The following PRR16 variants were observed in gnomAD, a reference collection of about 807,000 sequenced individuals.
The protein encoded by PRR16 is proline rich 16.
PRR16 carries 6 observed loss-of-function variants against 18.2 expected under a neutral mutation model. The ratio of observed to expected loss-of-function variants is 0.33; its 90% CI spans 0.18 to 0.65. PRR16 has a LOEUF of 0.65. Ranked by LOEUF, PRR16 falls within the 30% of genes least tolerant of loss-of-function variation. The probability of loss-of-function intolerance (pLI) is 0.74; values close to 1 mark genes in which losing one functional copy is unlikely to be tolerated. For missense variants in PRR16, 412 were observed against 376.6 expected (o/e 1.09, Z -0.78); for synonymous variants, 151 against 147.8 (o/e 1.02, Z -0.16).
At chr5:120,774,907 C>A in the PRR16 span, among the ~76,000 whole-genome samples, 453 of 152,220 alleles carry the variant, frequency 3.0e-3, 1 homozygote, top group Admixed American at 6.2e-3. Context: ...GTATTTATGA[C>A]TTCAAAAACC....
chr5:120,503,502 T>A (rs970366096), intron 1 of PRR16, among the ~76,000 whole-genome samples: 2 of 152,172 alleles, frequency 1.3e-5, no homozygotes, highest in Non-Finnish European at 2.9e-5. Flanking sequence ...TTTTCTGACC[T>A]ATTGTGTGGT....
chr5:120,482,275 C>T (rs543847973), intron 1 of PRR16, among the ~76,000 whole-genome samples: 1 of 152,110 alleles, frequency 6.6e-6, no homozygotes, highest in Non-Finnish European at 1.5e-5. Context: ...CAACACTTTT[C>T]CCGCTTCTTC....
At chr5:120,664,752 C>T (rs572226198) in intron 1 of PRR16, among the ~76,000 whole-genome samples, 3 of 142,208 alleles carry the variant, frequency 2.1e-5, no homozygotes, top group Non-Finnish European at 4.7e-5. Flanking sequence ...ATGATGATTT[C>T]CAATTTCATC....
At chr5:120,618,554 T>C in intron 1 of PRR16, 1 of 947,626 alleles carries the variant, frequency 1.1e-6, no homozygotes. Context: ...TCAATCAAAT[T>C]CTACTTCAGA....
the PRR16 span, among the ~76,000 whole-genome samples, chr5:120,765,238 G>C: frequency 4.7e-4 from 72 of 152,018 alleles, no homozygotes; most frequent in African/African-American, 1.5e-3. Context: ...CTTACATATC[G>C]CATGTGCCTC....
At chr5:120,669,444 G>T (rs545619096) in intron 1 of PRR16, among the ~76,000 whole-genome samples, 18 of 151,992 alleles carry the variant, frequency 1.2e-4, no homozygotes, top group African/African-American at 4.3e-4. Flanking sequence ...TAGCTCTTAT[G>T]TGAATTATTA....
chr5:120,676,449 G>A (rs1756799656), intron 1 of PRR16, among the ~76,000 whole-genome samples: 1 of 151,694 alleles, frequency 6.6e-6, no homozygotes, highest in South Asian at 2.1e-4. Flanking sequence ...CAGAAAGTTA[G>A]ACCTTGGGTC....
chr5:120,595,522 T>C (rs1360632322), intron 1 of PRR16, among the ~76,000 whole-genome samples: 3 of 151,834 alleles, frequency 2.0e-5, no homozygotes, highest in Non-Finnish European at 2.9e-5. Context: ...AGTTCAACCA[T>C]TGTCGGAAGT....
chr5:120,574,624 A>G (rs1303538430), intron 1 of PRR16, among the ~76,000 whole-genome samples: 1 of 138,274 alleles, frequency 7.2e-6, no homozygotes, highest in African/African-American at 3.5e-5. Context: ...AACAACGACG[A>G]AAAAAGGATA....
intron 1 of PRR16, among the ~76,000 whole-genome samples, chr5:120,663,580 A>C (rs1240187030): frequency 6.6e-6 from 1 of 152,188 alleles, no homozygotes; most frequent in Admixed American, 6.5e-5. Flanking sequence ...TTCATTCTTC[A>C]TCATGCCATC....
At chr5:120,588,176 G>A (rs998848381) in intron 1 of PRR16, among the ~76,000 whole-genome samples, 1 of 152,130 alleles carries the variant, frequency 6.6e-6, no homozygotes, top group Non-Finnish European at 1.5e-5. Context: ...CAAACAAAGT[G>A]GTTTCTTGAG....
chr5:120,636,767 C>G (rs771146557), intron 1 of PRR16, among the ~76,000 whole-genome samples: 1 of 151,888 alleles, frequency 6.6e-6, no homozygotes, highest in Non-Finnish European at 1.5e-5. Flanking sequence ...GCAACAAAAA[C>G]GAAGAAAAAT....
At chr5:120,530,281 A>ATATATATATATTTATT (rs1447791509) in intron 1 of PRR16, among the ~76,000 whole-genome samples, 2 of 92,694 alleles carry the variant, frequency 2.2e-5, no homozygotes, top group African/African-American at 8.6e-5. Context: ...ATATATATAT[A>ATATATATATATTTATT]TATTTATTTA....
intron 1 of PRR16, among the ~76,000 whole-genome samples, chr5:120,499,364 C>G (rs980449266): frequency 1.3e-5 from 2 of 151,968 alleles, no homozygotes; most frequent in African/African-American, 2.4e-5. Flanking sequence ...TCTCAACTCT[C>G]CTAGAACTCC....
the PRR16 span, among the ~76,000 whole-genome samples, chr5:120,754,310 T>C: frequency 3.2e-3 from 188 of 59,166 alleles, 6 homozygotes; most frequent in African/African-American, 0.011. Flanking sequence ...ATATAATATA[T>C]AACATATAAA....
intron 1 of PRR16, among the ~76,000 whole-genome samples, chr5:120,653,914 T>G (rs1341378258): frequency 6.6e-6 from 1 of 151,874 alleles, no homozygotes; most frequent in Non-Finnish European, 1.5e-5. Flanking sequence ...AAATCTAAAC[T>G]CCTAAACAAG....
At chr5:120,699,989 T>C in the PRR16 span, among the ~76,000 whole-genome samples, 1 of 152,114 alleles carries the variant, frequency 6.6e-6, no homozygotes, top group East Asian at 1.9e-4. Flanking sequence ...TTGCTGAGCT[T>C]GATGGGTGTC....
chr5:120,725,473 T>A, the PRR16 span, among the ~76,000 whole-genome samples: 10 of 151,808 alleles, frequency 6.6e-5, no homozygotes, highest in East Asian at 1.9e-3. Context: ...CTGGGAAACA[T>A]AGTAAGACCT....
intron 1 of PRR16, among the ~76,000 whole-genome samples, chr5:120,635,808 C>T (rs576350581): frequency 1.3e-5 from 2 of 152,130 alleles, no homozygotes; most frequent in East Asian, 1.9e-4. Flanking sequence ...GCACTCGAAT[C>T]GGTAAAGAGG....
Sources: gnomAD v4.1 joint callset for allele counts (sites outside exome capture counted in the v4.1 genomes callset) on GRCh38, gnomAD v4.1.1 for gene constraint, MANE v1.5 for transcripts, NCBI Gene and HGNC (gene_info 2026-07-23, HGNC 2026-07-21) for gene names.